Variants in WWOX observed in about 807,000 individuals in gnomAD.
The protein encoded by WWOX is WW domain containing oxidoreductase.
WWOX carries 69 observed loss-of-function variants against 46.2 expected under a neutral mutation model. The ratio of observed to expected loss-of-function variants is 1.49; its 90% CI spans 1.23 to 1.82. WWOX has a LOEUF of 1.82. WWOX is among the 40% of genes most tolerant of loss of function. WWOX has a pLI of 0.00. For missense variants in WWOX, 919 were observed against 542.6 expected (o/e 1.69, Z -6.89); for synonymous variants, 359 against 202.6 (o/e 1.77, Z -6.56).
At chr16:78,566,660 T>C (rs1196177499) in intron 8 of WWOX, among the ~76,000 whole-genome samples, 1 of 152,178 alleles carries the variant, frequency 6.6e-6, no homozygotes, top group Non-Finnish European at 1.5e-5. Context: ...GGGAGAAGTC[T>C]CTCAGGACAG....
intron 8 of WWOX, among the ~76,000 whole-genome samples, chr16:78,804,290 C>G (rs75451735): frequency 0.027 from 4,078 of 152,154 alleles, 77 homozygotes; most frequent in African/African-American, 0.049. Context: ...GGTCTTTGCC[C>G]TCAATTTCAT....
intron 8 of WWOX, among the ~76,000 whole-genome samples, chr16:78,676,217 C>G (rs2047595773): frequency 6.6e-6 from 1 of 151,590 alleles, no homozygotes; most frequent in Non-Finnish European, 1.5e-5. Context: ...AAGCTACCAT[C>G]AAGCAGAAGA....
At chr16:78,776,233 G>A (rs1406594198) in intron 8 of WWOX, among the ~76,000 whole-genome samples, 2 of 152,094 alleles carry the variant, frequency 1.3e-5, no homozygotes, top group African/African-American at 2.4e-5. Flanking sequence ...AGGATTGTGG[G>A]TGAACAACAG....
chr16:78,277,764 T>C (rs1024353064), intron 5 of WWOX, among the ~76,000 whole-genome samples: 2 of 151,826 alleles, frequency 1.3e-5, no homozygotes, highest in African/African-American at 4.8e-5. Context: ...TTTAACAGAT[T>C]CCCCCCGGGT....
chr16:78,582,015 G>C (rs143868416), intron 8 of WWOX, among the ~76,000 whole-genome samples: 13 of 152,234 alleles, frequency 8.5e-5, no homozygotes, highest in Non-Finnish European at 8.8e-5. Flanking sequence ...TAAATATTTC[G>C]TTTGTAGACA....
intron 4 of WWOX, among the ~76,000 whole-genome samples, chr16:78,159,087 G>A (rs1035366817): frequency 6.6e-6 from 1 of 152,090 alleles, no homozygotes; most frequent in African/African-American, 2.4e-5. Context: ...GTTCATCCAT[G>A]TTGTTGCAAA....
At chr16:78,507,346 C>G (rs1273635049) in intron 8 of WWOX, among the ~76,000 whole-genome samples, 10 of 152,172 alleles carry the variant, frequency 6.6e-5, no homozygotes, top group Non-Finnish European at 5.9e-5. Flanking sequence ...TTTTAAGCAA[C>G]TGACCCTTGG....
intron 8 of WWOX, among the ~76,000 whole-genome samples, chr16:79,063,669 C>G (rs777662914): frequency 6.6e-5 from 10 of 152,184 alleles, no homozygotes; most frequent in Non-Finnish European, 1.3e-4. Context: ...TTTTCCTTCT[C>G]TTTTGGATTG....
At chr16:78,699,485 G>A (rs912040568) in intron 8 of WWOX, among the ~76,000 whole-genome samples, 1 of 152,194 alleles carries the variant, frequency 6.6e-6, no homozygotes, top group Non-Finnish European at 1.5e-5. Flanking sequence ...GTTGCAGTGA[G>A]CTGAGATCGT....
At chr16:78,840,089 G>A (rs375259020) in intron 8 of WWOX, among the ~76,000 whole-genome samples, 1 of 152,182 alleles carries the variant, frequency 6.6e-6, no homozygotes, top group Non-Finnish European at 1.5e-5. Context: ...AACATGCTTT[G>A]CACAAACAAA....
At chr16:79,130,755 TAC>T in intron 8 of WWOX, among the ~76,000 whole-genome samples, 1 of 152,196 alleles carries the variant, frequency 6.6e-6, no homozygotes, top group East Asian at 1.9e-4. Flanking sequence ...CACAATGTAT[TAC>T]AGATGCAGAG....
chr16:79,173,963 T>C (rs1442528304), intron 8 of WWOX, among the ~76,000 whole-genome samples: 1 of 152,186 alleles, frequency 6.6e-6, no homozygotes, highest in East Asian at 1.9e-4. Flanking sequence ...TTTGAAAATG[T>C]CTAACTTAAA....
intron 6 of WWOX, among the ~76,000 whole-genome samples, chr16:78,388,904 G>T (rs545288551): frequency 4.7e-4 from 71 of 151,984 alleles, no homozygotes; most frequent in African/African-American, 1.7e-3. Context: ...GGGAGGTGGA[G>T]GTTGCAGTGA....
intron 5 of WWOX, among the ~76,000 whole-genome samples, chr16:78,199,576 G>A (rs1261385491): frequency 6.6e-6 from 1 of 152,116 alleles, no homozygotes; most frequent in Non-Finnish European, 1.5e-5. Context: ...TCTACCAGAT[G>A]CTAGCACTGT....
At chr16:78,422,844 TACACACACACACACACACACAC>T (rs370327902) in intron 6 of WWOX, among the ~76,000 whole-genome samples, 2 of 105,118 alleles carry the variant, frequency 1.9e-5, no homozygotes, top group Admixed American at 1.1e-4. Flanking sequence ...TATATACATA[TACACACACACACACACACACAC>T]ACACACACAC....
In WWOX at chr16:78,308,668, T is replaced by G. The variant is rs113269224; in HGVS notation, c.517-78192T>G. Among the ~76,000 whole-genome samples, 491 of 152,302 alleles carry G rather than the reference T, an allele frequency of 3.2e-3. 6 individuals are homozygous for G. The highest frequency in any genetic ancestry group is 0.011 in the African/African-American group (451 of 41,576). On this transcript the variant is annotated intron_variant, in intron 5 of 8. Transcript: ENST00000566780. ...GGTCTTTTCCTGATCCAGGAGAGAT[T>G]CACTAGGAGTCTGGCACCTTTTTAG...
At chr16:78,558,827 G>A (rs1016042519) in intron 8 of WWOX, among the ~76,000 whole-genome samples, 2 of 152,200 alleles carry the variant, frequency 1.3e-5, no homozygotes, top group Non-Finnish European at 2.9e-5. Flanking sequence ...GGCTCTTTCG[G>A]AAGACTTGCC....
intron 8 of WWOX, among the ~76,000 whole-genome samples, chr16:78,859,720 T>C (rs145043690): frequency 2.3e-3 from 346 of 152,292 alleles, no homozygotes; most frequent in African/African-American, 7.9e-3. Context: ...GGTTAGAGGA[T>C]ATAACAGCTG....
At chr16:78,856,563 A>G (rs969572363) in intron 8 of WWOX, among the ~76,000 whole-genome samples, 6 of 152,096 alleles carry the variant, frequency 3.9e-5, no homozygotes, top group Non-Finnish European at 7.4e-5. Flanking sequence ...GAATCCCTTG[A>G]ACCCAGGAGG....
Sources: allele counts gnomAD v4.1 joint callset (sites outside exome capture counted in the v4.1 genomes callset), GRCh38; gene constraint gnomAD v4.1.1; transcripts MANE v1.5; gene names NCBI Gene and HGNC (gene_info 2026-07-23, HGNC 2026-07-21).